The following ZNF516 variants were observed in gnomAD, a reference collection of about 807,000 sequenced individuals.
ZNF516 encodes the protein zinc finger protein 516.
Under a neutral mutation model 79.7 loss-of-function variants are expected in ZNF516, and 19 were observed. The observed-to-expected ratio is 0.24, with a 90% CI of 0.17 to 0.35. ZNF516 has a LOEUF of 0.35. Among genes scored for constraint, ZNF516 ranks in the 10% least tolerant of loss-of-function variants. The probability of loss-of-function intolerance (pLI) is 1.00; values close to 1 mark genes in which losing one functional copy is unlikely to be tolerated. For synonymous variants in ZNF516, 877 were observed against 739.5 expected, an observed-to-expected ratio of 1.19 and a Z score of -3.02; for missense variants, 1,678 against 1,679.5, an observed-to-expected ratio of 1.00 and a Z score of 0.02.
At chr18:76,460,255 G>A (rs1032695441) in intron 2 of ZNF516, among the ~76,000 whole-genome samples, 1 of 152,148 alleles carries the variant, frequency 6.6e-6, no homozygotes, top group Non-Finnish European at 1.5e-5. Flanking sequence ...CCGTCTCTGC[G>A]ATGCCACCCT....
rs903759877 is a variant in ZNF516, at chr18:76,384,053, G to A, written c.1811-3750C>T. 4.6e-5 allele frequency among the ~76,000 whole-genome samples: 7 copies of A among 152,308 alleles called. No homozygotes were observed. The East Asian group carries it at 9.6e-4, about 21-fold the overall frequency. ...CTCCCAGGCGGCCCAAGGGGACCAC[G>A]ACACCCATCCACTGTTCTCAGGTTC... On this transcript the variant is annotated intron_variant, in intron 3 of 6. Coordinates refer to ENST00000443185, the MANE Select transcript of ZNF516 (RefSeq NM_014643.4).
intron 6 of ZNF516, among the ~76,000 whole-genome samples, chr18:76,363,895 G>C (rs749406824): frequency 3.9e-5 from 6 of 152,348 alleles, no homozygotes; most frequent in East Asian, 1.9e-4. Flanking sequence ...GTCAGGGACC[G>C]TAAGAGGCGG....
chr18:76,455,355 G>A (rs1271368926), intron 2 of ZNF516, among the ~76,000 whole-genome samples: 1 of 152,140 alleles, frequency 6.6e-6, no homozygotes, highest in Admixed American at 6.5e-5. Context: ...ACCCCAACCT[G>A]GAGGCACACA....
chr18:76,401,502 T>C (rs1381256138), intron 3 of ZNF516, among the ~76,000 whole-genome samples: 1 of 152,104 alleles, frequency 6.6e-6, no homozygotes, highest in East Asian at 1.9e-4. Context: ...CATCAAGTAC[T>C]ACATCAAAAA....
intron 3 of ZNF516, among the ~76,000 whole-genome samples, chr18:76,428,301 G>A (rs769493747): frequency 1.2e-4 from 18 of 151,606 alleles, no homozygotes; most frequent in East Asian, 1.9e-4. Flanking sequence ...GCTGAGGCAG[G>A]AGAATCGCTT....
At position 76,360,679 on chromosome 18, in the gene ZNF516, A is replaced by ATATATATATATATAT. The variant is rs2074522925; in HGVS notation, c.*1818_*1819insATATATATATATATA. The ATATATATATATATAT allele has an allele frequency of 1.5e-5, 2 of 130,774 alleles. No individual in the cohort carries two copies. The highest frequency in any genetic ancestry group is 3.3e-5 in the Non-Finnish European group (2 of 61,310). The allele number at this position is 130,774 out of a possible 1,614,324, so 8.1% of individuals were successfully genotyped here. On this transcript the variant is annotated 3_prime_UTR_variant, in exon 7 of 7. Coordinates refer to ENST00000443185, the MANE Select transcript of ZNF516 (RefSeq NM_014643.4). ...TATATATATATATATATATATATATAAGCTAGCCAGTTACATTGCATCGTT... is the reference window on the plus strand; with the variant it reads ...TATATATATATATATATATATATATATATATATATATATATAGCTAGCCAGTTACATTGCATCGTT...
Position 76,379,396 on chromosome 18 carries a change from G to A in ZNF516, c.2718C>T (p.Ala906=). ...PHGAATQGPL[A]KPRQEASSKP... is the part of the protein sequence containing the mutation. ...TGGAGCTAGCCTCCTGCCTGGGCTT[G>A]GCCAGGGGCCCCTGTGTGGCCGCGC... Residue 906 remains alanine, a synonymous_variant, in exon 4 of 7, where the codon GCC becomes GCT. Coordinates refer to ENST00000443185, the MANE Select transcript of ZNF516 (RefSeq NM_014643.4). The A allele has an allele frequency of 6.2e-7, 1 of 1,603,992 alleles. No homozygotes were observed. Among genetic ancestry groups the A allele is most frequent in the Non-Finnish European group, 8.5e-7 (1 of 1,174,970 alleles).
intron 3 of ZNF516, among the ~76,000 whole-genome samples, chr18:76,401,272 C>A: frequency 5.8e-5 from 8 of 137,476 alleles, no homozygotes; most frequent in Non-Finnish European, 4.7e-5. Context: ...TTTTTGTGAA[C>A]CAAAAAAAAG....
intron 3 of ZNF516, among the ~76,000 whole-genome samples, chr18:76,381,332 G>C (rs2074889471): frequency 1.3e-5 from 2 of 152,180 alleles, no homozygotes; most frequent in African/African-American, 4.8e-5. Flanking sequence ...CAGGAGTACA[G>C]ATGTTTCCGG....
intron 1 of ZNF516, among the ~76,000 whole-genome samples, chr18:76,463,344 G>A (rs1233843990): frequency 1.3e-5 from 2 of 152,256 alleles, no homozygotes; most frequent in Non-Finnish European, 2.9e-5. Context: ...TCCCACATCT[G>A]TGAGGGGCAG....
At chr18:76,487,816 AAATGCTG>A (rs1332669821) in intron 1 of ZNF516, 1 of 552,352 alleles carries the variant, frequency 1.8e-6, no homozygotes, top group Non-Finnish European at 2.3e-6. Context: ...TGAATTTGAA[AAATGCTG>A]TCTCCTCTAT....
chr18:76,462,991 AGACGGATT>A (rs1335669804), intron 2 of ZNF516, 29 bp downstream of exon 2: 1 of 152,232 alleles, frequency 6.6e-6, no homozygotes, highest in Non-Finnish European at 1.5e-5. Flanking sequence ...AACAGAAGTC[AGACGGATT>A]GACAGGAAGG....
intron 3 of ZNF516, among the ~76,000 whole-genome samples, chr18:76,408,205 G>C (rs535577046): frequency 6.6e-6 from 1 of 152,208 alleles, no homozygotes; most frequent in Non-Finnish European, 1.5e-5. Flanking sequence ...AGTAGACCTT[G>C]CATGAACGTT....
At position 76,359,416 on chromosome 18, in the gene ZNF516, G is replaced by C. The variant is rs617571; in HGVS notation, c.*3082C>G. ...CAGGTACAGTGGCCAATTTCCCAGAGAAGATCCTCAATATCTGACTTTTGA... is the reference window on the plus strand; with the variant it reads ...CAGGTACAGTGGCCAATTTCCCAGACAAGATCCTCAATATCTGACTTTTGA... On this transcript the variant is annotated 3_prime_UTR_variant, in exon 7 of 7. Transcript: ENST00000443185. 6.6e-6 allele frequency: 1 copy of C among 152,106 alleles called. No homozygotes were observed. The highest frequency in any genetic ancestry group is 1.5e-5 in the Non-Finnish European group (1 of 68,038). 9.4% of individuals were successfully genotyped at this position (152,106 alleles called of 1,614,324 possible). A position where few individuals can be genotyped will look rare whatever the true frequency, so the allele number is the denominator to read the frequency against.
At chr18:76,481,897 A>G (rs1258728335) in intron 1 of ZNF516, among the ~76,000 whole-genome samples, 1 of 152,236 alleles carries the variant, frequency 6.6e-6, no homozygotes, top group Non-Finnish European at 1.5e-5. Context: ...TAGTAATTCA[A>G]AAAGTAGCTC....
chr18:76,491,065 G>A (rs2145836208), intron 1 of ZNF516: 1 of 985,382 alleles, frequency 1.0e-6, no homozygotes, highest in Non-Finnish European at 1.2e-6. Flanking sequence ...CGGTTCAGGT[G>A]TGAACACTTA....
chr18:76,419,578 G>C (rs1233207704), intron 3 of ZNF516, among the ~76,000 whole-genome samples: 1 of 152,196 alleles, frequency 6.6e-6, no homozygotes, highest in Non-Finnish European at 1.5e-5. Flanking sequence ...TACTGAGAGG[G>C]ACCTGATGGG....
chr18:76,377,608 C>T lies in ZNF516; in HGVS notation c.3259+1247G>A, dbSNP rs540576056. On this transcript the variant is annotated intron_variant, in intron 4 of 6. Coordinates refer to ENST00000443185, the MANE Select transcript of ZNF516 (RefSeq NM_014643.4). Reference sequence around the variant, plus strand: ...AGGCTGTCTGCTGATATCTCCCAGACCCAGAACCATGCCCCTGACAGTCCT... The same window carrying T: ...AGGCTGTCTGCTGATATCTCCCAGATCCAGAACCATGCCCCTGACAGTCCT... Among the ~76,000 whole-genome samples the T allele has an allele frequency of 3.3e-5, 5 of 152,364 alleles. No homozygotes were observed. In the East Asian group the frequency reaches 7.7e-4, roughly 24 times the overall value.
At chr18:76,489,887 A>G (rs1482451446) in intron 1 of ZNF516, among the ~76,000 whole-genome samples, 1 of 152,214 alleles carries the variant, frequency 6.6e-6, no homozygotes, top group African/African-American at 2.4e-5. Context: ...AGCTGTACCT[A>G]CTAAACCTGC....
Sources: gnomAD v4.1 joint callset for allele counts (sites outside exome capture counted in the v4.1 genomes callset) on GRCh38, gnomAD v4.1.1 for gene constraint, MANE v1.5 for transcripts, NCBI Gene and HGNC (gene_info 2026-07-23, HGNC 2026-07-21) for gene names.